Variants in PLXND1 observed in about 807,000 individuals in gnomAD.
The protein encoded by PLXND1 is plexin D1.
A neutral mutation model predicts 197.7 loss-of-function variants in PLXND1; 54 were observed. The ratio of observed to expected loss-of-function variants is 0.27; its 90% confidence interval spans 0.22 to 0.34. PLXND1 has a LOEUF of 0.34. Among genes scored for constraint, PLXND1 ranks in the 10% least tolerant of loss-of-function variants. The probability of loss-of-function intolerance (pLI) is 1.00; values close to 1 mark genes in which losing one functional copy is unlikely to be tolerated. For missense variants in PLXND1, 2,127 were observed against 2,699.2 expected, an observed-to-expected ratio of 0.79 and a Z score of 4.70; for synonymous variants, 1,180 against 1,161.2, an observed-to-expected ratio of 1.02 and a Z score of -0.33.
intron 1 of PLXND1, chr3:129,591,387 T>C (rs1360372231): frequency 6.6e-6 from 1 of 152,476 alleles, no homozygotes; most frequent in Non-Finnish European, 1.5e-5. Context: ...TCCCAGCTAC[T>C]TGGGAGGCTG....
rs762034293 is a variant in PLXND1 at position 129,570,831 on chromosome 3, C to T, written c.3705G>A (p.Ser1235=). 1.2e-4 allele frequency: 198 copies of T among 1,614,088 alleles called. No individual in the cohort carries two copies. Among genetic ancestry groups the T allele is most frequent in the Middle Eastern group, 1.6e-4 (1 of 6,082 alleles). The change falls in exon 19 of 36, where the codon TCG becomes TCA. Residue 1235 remains serine, a synonymous_variant. Coordinates refer to ENST00000324093, the MANE Select transcript of PLXND1 (RefSeq NM_015103.3). ...CGGCCGCGCCCAGGGACTCGTTGACCGAGCAGTGGATGATTCTGTCAGAGA... is the reference window on the plus strand; with the variant it reads ...CGGCCGCGCCCAGGGACTCGTTGACTGAGCAGTGGATGATTCTGTCAGAGA... The part of the protein sequence containing the change: ...QIVSDRIIHC[S]VNESLGAAVG...
At chr3:129,559,475 G>T in intron 32 of PLXND1, 145 bp downstream of exon 32, 1 of 640,608 alleles carries the variant, frequency 1.6e-6, no homozygotes, top group Non-Finnish European at 2.7e-6. Flanking sequence ...GAGAGGCTAA[G>T]TCACTCATCC....
At chr3:129,575,722 A>T (rs745366747) in intron 10 of PLXND1, 44 bp downstream of exon 10, 2 of 1,424,954 alleles carry the variant, frequency 1.4e-6, no homozygotes, top group Non-Finnish European at 2.0e-6. Flanking sequence ...ATCTGGACTT[A>T]ACGCAGGCCC....
In PLXND1 at chr3:129,585,960, C is replaced by G; in HGVS notation, c.1843G>C (p.Glu615Gln). The change falls in exon 5 of 36, where the codon GAG becomes CAG. Residue 615 changes from glutamate to glutamine, a missense_variant. Transcript: ENST00000324093. ...VLPSEIDVRQ[E>Q]YPGMILQISG... Reference sequence around the variant, plus strand: ...CCTCCCCCAGGACTCACTGGGTACTCCTGGCGCACATCGATCTCGGAAGGC... The same window carrying G: ...CCTCCCCCAGGACTCACTGGGTACTGCTGGCGCACATCGATCTCGGAAGGC... 1.2e-6 allele frequency: 2 copies of G among 1,614,082 alleles called. No homozygotes were observed. Among genetic ancestry groups the G allele is most frequent in the Non-Finnish European group, 1.7e-6 (2 of 1,180,036 alleles).
intron 12 of PLXND1, 133 bp downstream of exon 12, chr3:129,574,203 G>A (rs2085277002): frequency 2.6e-6 from 2 of 760,202 alleles, no homozygotes; most frequent in East Asian, 5.4e-5. Context: ...ACTTCCTTTT[G>A]TTCACAGGTG....
chr3:129,569,471 T>C (rs2085191352), intron 20 of PLXND1: 1 of 208,624 alleles, frequency 4.8e-6, no homozygotes, highest in Non-Finnish European at 9.9e-6. Flanking sequence ...ATTACTTTAT[T>C]GACCATTATT....
chr3:129,557,319 T>A lies in PLXND1; in HGVS notation c.5446-96A>T. 2 of 1,436,938 alleles carry A rather than the reference T, an allele frequency of 1.4e-6. No individual in the cohort carries two copies. Among genetic ancestry groups the A allele is most frequent in the Middle Eastern group, 1.8e-4 (1 of 5,590 alleles). 89.0% of individuals were successfully genotyped at this position (1,436,938 alleles called of 1,614,324 possible). ...GCCCTCATCCCTCCTGCCACATAAG[T>A]GACCTTAGCAGGCCCCCGAGGCCCA... On this transcript the variant is annotated intron_variant, in intron 33 of 35. Transcript: ENST00000324093. This position sits in a 1 kb window ranked among gnomAD's most constrained non-coding sequence, Gnocchi z 4.8.
In PLXND1 at chr3:129,572,546, G is replaced by A. The variant is rs142245860; in HGVS notation, c.3077+63C>T. On this transcript the variant is annotated intron_variant, in intron 15 of 35. Transcript: ENST00000324093. ...GGCTCAAGGATGTCACCTCCAGCCCGCCAGCCCCCAAGCCCATTGATTTCT... is the reference window on the plus strand; with the variant it reads ...GGCTCAAGGATGTCACCTCCAGCCCACCAGCCCCCAAGCCCATTGATTTCT... The A allele has an allele frequency of 8.4e-5, 116 of 1,375,820 alleles. No homozygotes were observed. In the East Asian group the frequency reaches 2.4e-3, roughly 28 times the overall value. The allele number at this position is 1,375,820 out of a possible 1,614,324, so 85.2% of individuals were successfully genotyped here. A position where few individuals can be genotyped will look rare whatever the true frequency, so the allele number is the denominator to read the frequency against.
chr3:129,594,762 T>C (rs2108800189), intron 1 of PLXND1, among the ~76,000 whole-genome samples: 1 of 152,286 alleles, frequency 6.6e-6, no homozygotes, highest in African/African-American at 2.4e-5. Context: ...AACGGTAAGA[T>C]GTTAGCAATG....
rs1560065563 is a variant in PLXND1, at chr3:129,570,789, G to A, written c.3747C>T (p.Ile1249=). ...CTCCGGCGCCCCATCCACTCACTGT[G>A]ATGGGCAGCTGCCCCACGGCCGCGC... ...SLGAAVGQLP[I]TIQVGNFNQT... The change falls in exon 19 of 36, where the codon ATC becomes ATT. Residue 1249 remains isoleucine, a synonymous_variant. Transcript: ENST00000324093. The A allele has an allele frequency of 6.2e-7, 1 of 1,613,890 alleles. No homozygotes were observed. Among genetic ancestry groups the A allele is most frequent in the East Asian group, 2.2e-5 (1 of 44,898 alleles).
chr3:129,571,480 C>A, intron 17 of PLXND1, 29 bp downstream of exon 17: 2 of 1,600,154 alleles, frequency 1.2e-6, no homozygotes, highest in Non-Finnish European at 8.6e-7. Flanking sequence ...GCCACCCCCT[C>A]CCACCCATCA....
intron 31 of PLXND1, 38 bp from the exon 32 acceptor site, chr3:129,559,821 C>T: frequency 6.5e-7 from 1 of 1,547,178 alleles, no homozygotes. Flanking sequence ...AGCCCCGGGC[C>T]ACGTGCAGAG....
intron 10 of PLXND1, 24 bp from the exon 11 acceptor site, chr3:129,575,586 TA>T (rs1446133595): frequency 2.6e-6 from 4 of 1,519,570 alleles, no homozygotes; most frequent in African/African-American, 2.8e-5. Flanking sequence ...GAAAAGAGCA[TA>T]GGGGGCATGG....
chr3:129,600,722 T>G (rs1287195568), intron 1 of PLXND1, among the ~76,000 whole-genome samples: 1 of 151,652 alleles, frequency 6.6e-6, no homozygotes, highest in Non-Finnish European at 1.5e-5. Context: ...CTTGCACCCT[T>G]CGTCACTGGG....
At position 129,559,711 on chromosome 3, in the gene PLXND1, C is replaced by A. The variant is rs759179648; in HGVS notation, c.5206G>T (p.Ala1736Ser). The A allele has an allele frequency of 5.0e-6, 8 of 1,613,090 alleles. No homozygotes were observed. The highest frequency in any genetic ancestry group is 6.8e-6 in the Non-Finnish European group (8 of 1,179,636). ...AGGAAGTCGAAAAAGTACTTGACAG[C>A]CAGTGGGGGCTTGTCTTCACGGATA... ...LSIREDKPPL[A>S]VKYFFDFLEE... The change falls in exon 32 of 36, where the codon GCT (alanine) becomes TCT (serine). Residue 1736 changes from alanine (A) to serine (S), a missense_variant. This residue lies in a region of PLXND1 where 200 missense variants were observed against 303.3 expected (regional missense o/e 0.66). Coordinates refer to ENST00000324093, the MANE Select transcript of PLXND1 (RefSeq NM_015103.3).
intron 1 of PLXND1, among the ~76,000 whole-genome samples, chr3:129,592,987 C>T (rs889617326): frequency 6.6e-6 from 1 of 152,128 alleles, no homozygotes; most frequent in Non-Finnish European, 1.5e-5. Flanking sequence ...CCTCACAGGC[C>T]CAAAATACCC....
intron 9 of PLXND1, among the ~76,000 whole-genome samples, chr3:129,576,478 C>G (rs913126962): frequency 6.6e-6 from 1 of 152,320 alleles, no homozygotes; most frequent in South Asian, 2.1e-4. Context: ...TGGGGCACTA[C>G]GAAGCTCCTA....
In PLXND1 at chr3:129,606,202, G is replaced by T; in HGVS notation, c.438C>A (p.Gly146=). The T allele has an allele frequency of 6.4e-7, 1 of 1,572,736 alleles. No individual in the cohort carries two copies. The stretch of plus-strand genomic sequence containing the variant: ...TGCCCCGGCGCCGCAGCTGGCAGAA[G>T]CCCTGGTAGATGGACCCGCACACGA... ...LVVVCGSIYQ[G]FCQLRRRGNI... is the part of the protein sequence containing the mutation. The change falls in exon 1 of 36, where the codon GGC becomes GGA. Residue 146 remains glycine (G), a synonymous_variant. Transcript: ENST00000324093.
intron 11 of PLXND1, among the ~76,000 whole-genome samples, chr3:129,574,977 T>A (rs972427324): frequency 6.6e-6 from 1 of 152,036 alleles, no homozygotes; most frequent in Non-Finnish European, 1.5e-5. Flanking sequence ...CAGGGAGGGT[T>A]CTCCAGGACC....
Sources: gnomAD v4.1 joint callset for allele counts (sites outside exome capture counted in the v4.1 genomes callset) on GRCh38, gnomAD v4.1.1 for gene constraint, gnomAD v4.1.1 regional missense constraint, Gnocchi (gnomAD v3.1) non-coding constraint, MANE v1.5 for transcripts, NCBI Gene and HGNC (gene_info 2026-07-23, HGNC 2026-07-21) for gene names.